Variants in ZNF253 observed in about 807,000 individuals in gnomAD.
The protein encoded by ZNF253 is DNA-binding protein.
ZNF253 carries 8 observed loss-of-function variants against 11.9 expected under a neutral mutation model. The observed-to-expected ratio is 0.67, with a 90% CI of 0.40 to 1.22. ZNF253 has a LOEUF of 1.22. Ranked by LOEUF, ZNF253 falls within the 50% of genes most tolerant of loss-of-function variation. The pLI is 0.01. For missense variants in ZNF253, 485 were observed against 586.9 expected (o/e 0.83, Z 1.79); for synonymous variants, 194 against 194.9 (o/e 1.00, Z 0.04).
intron 1 of ZNF253, among the ~76,000 whole-genome samples, chr19:19,874,422 G>A (rs2063146407): frequency 6.6e-6 from 1 of 152,098 alleles, no homozygotes; most frequent in Non-Finnish European, 1.5e-5. Context: ...TACTCGGGAG[G>A]ATGAGTCAAA....
intron 3 of ZNF253, among the ~76,000 whole-genome samples, chr19:19,886,867 A>G (rs559661599): frequency 6.6e-6 from 1 of 152,084 alleles, no homozygotes; most frequent in Non-Finnish European, 1.5e-5. Context: ...CTTATTTTTT[A>G]TCTGAATTTT....
chr19:19,874,350 G>T (rs1003952649), intron 1 of ZNF253, among the ~76,000 whole-genome samples: 101 of 151,886 alleles, frequency 6.6e-4, no homozygotes, highest in African/African-American at 2.3e-3. Flanking sequence ...ATGGTGAAAC[G>T]CTGTCTTTAC....
At chr19:19,882,802 T>G (rs984857240) in intron 3 of ZNF253, among the ~76,000 whole-genome samples, 8 of 151,558 alleles carry the variant, frequency 5.3e-5, no homozygotes, top group Non-Finnish European at 1.2e-4. Flanking sequence ...AAACCCTGTT[T>G]CCACTAAAAA....
chr19:19,890,575 G>A (rs2063224724), intron 3 of ZNF253, among the ~76,000 whole-genome samples: 1 of 151,184 alleles, frequency 6.6e-6, no homozygotes, highest in Non-Finnish European at 1.5e-5. Context: ...AGGCTGGAGT[G>A]CAGTGGCAAA....
At chr19:19,888,803 G>A (rs556085939) in intron 3 of ZNF253, among the ~76,000 whole-genome samples, 113 of 152,212 alleles carry the variant, frequency 7.4e-4, no homozygotes, top group African/African-American at 2.4e-3. Context: ...AGAAAGTTAT[G>A]TATTTTCATA....
At chr19:19,878,134 G>T (rs750700155) in intron 1 of ZNF253, among the ~76,000 whole-genome samples, 1 of 152,002 alleles carries the variant, frequency 6.6e-6, no homozygotes, top group Admixed American at 6.6e-5. Flanking sequence ...TTTGAGAGGT[G>T]CCTTCTAACT....
At chr19:19,876,573 GT>G (rs1211186266) in intron 1 of ZNF253, among the ~76,000 whole-genome samples, 1 of 151,838 alleles carries the variant, frequency 6.6e-6, no homozygotes, top group African/African-American at 2.4e-5. Context: ...CTTTTTCTGT[GT>G]TTTTTTTCTT....
chr19:19,874,942 G>T (rs1568495155), intron 1 of ZNF253, among the ~76,000 whole-genome samples: 1 of 152,066 alleles, frequency 6.6e-6, no homozygotes, highest in Non-Finnish European at 1.5e-5. Flanking sequence ...CAGAAACTCT[G>T]AGATTTAAGT....
Position 19,885,318 on chromosome 19 carries a change from CTT to C in ZNF253, c.226+5174_226+5175del, listed in dbSNP as rs1555777999. On this transcript the variant is annotated intron_variant, in intron 3 of 3. Coordinates refer to ENST00000589717, the MANE Select transcript of ZNF253 (RefSeq NM_021047.3). ...CTTTCTTTTCTTTCTTTCTTTCTTT[CTT>C]TCTTTCTTTCTTTCTTTCTTTCTTT... 1.1e-4 allele frequency among the ~76,000 whole-genome samples: 7 copies of C among 62,590 alleles called. 1 individual carries two copies. Among genetic ancestry groups the C allele is most frequent in the African/African-American group, 3.5e-4 (2 of 5,736 alleles). 41.1% of individuals were successfully genotyped at this position (62,590 alleles called of 152,430 possible).
At chr19:19,878,628 TA>T in intron 2 of ZNF253, 21 bp downstream of exon 2, 1 of 1,598,782 alleles carries the variant, frequency 6.3e-7, no homozygotes, top group Non-Finnish European at 8.5e-7. Flanking sequence ...CTTGAATATA[TA>T]ATTCATAATA....
At position 19,892,599 on chromosome 19, in the gene ZNF253, C is replaced by T. The variant is rs1246756837; in HGVS notation, c.1352C>T (p.Pro451Leu). 1 of 1,613,988 alleles carries T rather than the reference C, an allele frequency of 6.2e-7. No homozygotes were observed. The highest frequency in any genetic ancestry group is 1.3e-5 in the African/African-American group (1 of 75,052). Reference protein sequence around the residue: ...THKRIHTGEKPYKCEECGKAF... With the variant: ...THKRIHTGEKLYKCEECGKAF... Reference sequence around the variant, plus strand: ...AAGAGAATTCATACTGGAGAGAAACCTTACAAATGTGAAGAATGTGGCAAA... The same window carrying T: ...AAGAGAATTCATACTGGAGAGAAACTTTACAAATGTGAAGAATGTGGCAAA... The change falls in exon 4 of 4, where the codon CCT becomes CTT. Residue 451 changes from proline (P) to leucine (L), a missense_variant. Pro to Leu is a moderately conservative substitution (Grantham distance 98). Around this residue, in one of 3 missense-constraint regions of ZNF253, gnomAD observed 232 missense variants for 321.4 expected, o/e 0.72. Transcript: ENST00000589717.
At chr19:19,891,115 C>T (rs1400446315) in intron 3 of ZNF253, among the ~76,000 whole-genome samples, 6 of 152,102 alleles carry the variant, frequency 3.9e-5, no homozygotes, top group African/African-American at 1.4e-4. Flanking sequence ...GCTGTGATTA[C>T]AGGCGTGAGC....
chr19:19,892,985 C>CT lies in ZNF253; in HGVS notation c.*247dup, dbSNP rs60363472. 9.5e-4 allele frequency: 401 copies of CT among 422,526 alleles called. No homozygotes were observed. Among genetic ancestry groups the CT allele is most frequent in the South Asian group, 2.1e-3 (47 of 21,914 alleles). The allele number at this position is 422,526 out of a possible 1,614,324, so 26.2% of individuals were successfully genotyped here. Reference sequence around the variant, plus strand: ...TAAACCTATAACAAGTTCTCAATTCCTTTTTTTTTGAGATGGAGTTTCACT... The same window carrying CT: ...TAAACCTATAACAAGTTCTCAATTCCTTTTTTTTTTGAGATGGAGTTTCACT... On this transcript the variant is annotated 3_prime_UTR_variant, in exon 4 of 4. Transcript: ENST00000589717.
In ZNF253 at chr19:19,891,663, C is replaced by T; in HGVS notation, c.416C>T (p.Thr139Ile). The change falls in exon 4 of 4, where the codon ACC (threonine) becomes ATC (isoleucine). Residue 139 changes from threonine to isoleucine, a missense_variant. By Grantham distance (89) the Thr-to-Ile change is moderately conservative. Transcript: ENST00000589717. Reference sequence around the variant, plus strand: ...GGACTTAACCAATGTTTGACAACTACCCAGAAAGAAATATTTCAATGTGAT... The same window carrying T: ...GGACTTAACCAATGTTTGACAACTATCCAGAAAGAAATATTTCAATGTGAT... The part of the protein sequence containing the change: ...YNGLNQCLTT[T>I]QKEIFQCDKY... 6.2e-7 allele frequency: 1 copy of T among 1,614,000 alleles called. No homozygotes were observed. Among genetic ancestry groups the T allele is most frequent in the Non-Finnish European group, 8.5e-7 (1 of 1,179,978 alleles).
In ZNF253 at chr19:19,890,832, ATTTT is replaced by A. The variant is rs770757608; in HGVS notation, c.227-618_227-615del. Among the ~76,000 whole-genome samples the A allele has an allele frequency of 4.3e-4, 33 of 76,852 alleles. 1 individual carries two copies. The highest frequency in any genetic ancestry group is 8.8e-4 in the African/African-American group (13 of 14,846). The allele number at this position is 76,852 out of a possible 152,430, so 50.4% of individuals were successfully genotyped here. ...GCCATCATGCCTGGCCAACAATTTA[ATTTT>A]TTTTTTTTTTTTTTTTTTTTTTTGA... is the stretch of plus-strand genomic sequence containing the variant. On this transcript the variant is annotated intron_variant, in intron 3 of 3. Coordinates refer to ENST00000589717, the MANE Select transcript of ZNF253 (RefSeq NM_021047.3).
chr19:19,875,555 C>G (rs971603800), intron 1 of ZNF253, among the ~76,000 whole-genome samples: 12 of 152,154 alleles, frequency 7.9e-5, no homozygotes, highest in African/African-American at 2.9e-4. Context: ...ACCACCACGC[C>G]CGGCTAATTT....
chr19:19,874,677 C>T (rs560321679), intron 1 of ZNF253, among the ~76,000 whole-genome samples: 2 of 152,052 alleles, frequency 1.3e-5, no homozygotes, highest in South Asian at 4.2e-4. Flanking sequence ...TTTGGGAGGC[C>T]GAGGCAGGTG....
At chr19:19,872,945 A>G (rs2063140846) in intron 1 of ZNF253, among the ~76,000 whole-genome samples, 1 of 152,132 alleles carries the variant, frequency 6.6e-6, no homozygotes, top group East Asian at 1.9e-4. Flanking sequence ...GAATCTGCAG[A>G]TAAGTTCTGG....
rs1476033412 is a variant in ZNF253, at chr19:19,892,850, T to C, written c.*103T>C. ...GAGAGTTTATATGGAACACAAACCC[T>C]ACAAATATAAAGAATGTGACAAAGC... On this transcript the variant is annotated 3_prime_UTR_variant, in exon 4 of 4. Coordinates refer to ENST00000589717, the MANE Select transcript of ZNF253 (RefSeq NM_021047.3). 3.7e-6 allele frequency: 4 copies of C among 1,083,724 alleles called. No individual in the cohort carries two copies. In the East Asian group the frequency reaches 9.7e-5, roughly 26 times the overall value. 67.1% of individuals were successfully genotyped at this position (1,083,724 alleles called of 1,614,324 possible).
Sources: gnomAD v4.1 joint callset for allele counts (sites outside exome capture counted in the v4.1 genomes callset) on GRCh38, gnomAD v4.1.1 for gene constraint, gnomAD v4.1.1 regional missense constraint, MANE v1.5 for transcripts, NCBI Gene and HGNC (gene_info 2026-07-23, HGNC 2026-07-21) for gene names.